Variants in MARCHF4 observed in about 807,000 individuals in gnomAD.
The protein encoded by MARCHF4 is membrane associated ring-CH-type finger 4, also known as E3 ubiquitin-protein ligase MARCHF4.
A neutral mutation model predicts 43.9 loss-of-function variants in MARCHF4; 14 were observed. That is an observed-to-expected ratio of 0.32 (90% CI 0.21 to 0.50). The LOEUF is 0.50. MARCHF4 is among the 20% of genes least tolerant of loss of function. The probability of loss-of-function intolerance (pLI) is 0.98; values close to 1 mark genes in which losing one functional copy is unlikely to be tolerated. For synonymous variants in MARCHF4, 226 were observed against 213.3 expected, an observed-to-expected ratio of 1.06 and a Z score of -0.52; for missense variants, 468 against 536.7, an observed-to-expected ratio of 0.87 and a Z score of 1.27.
At chr2:216,328,200 T>C (rs554092390) in intron 1 of MARCHF4, among the ~76,000 whole-genome samples, 107 of 152,318 alleles carry the variant, frequency 7.0e-4, no homozygotes, top group African/African-American at 2.3e-3. Flanking sequence ...AGACGGAGTC[T>C]CGCTCTGACG....
intron 1 of MARCHF4, among the ~76,000 whole-genome samples, chr2:216,290,471 G>C (rs1691291646): frequency 1.3e-5 from 2 of 152,172 alleles, no homozygotes; most frequent in African/African-American, 2.4e-5. Flanking sequence ...AGAGTCAGGG[G>C]ACAGATCAGG....
chr2:216,344,433 G>C (rs1464419745), intron 1 of MARCHF4, among the ~76,000 whole-genome samples: 1 of 152,090 alleles, frequency 6.6e-6, no homozygotes, highest in Non-Finnish European at 1.5e-5. Flanking sequence ...CCAAAGTTTG[G>C]CTAAGACTTC....
Position 216,370,337 on chromosome 2 carries a change from CCA to C in MARCHF4, c.-79_-78del. The C allele has an allele frequency of 1.4e-6, 2 of 1,405,804 alleles. No homozygotes were observed. The highest frequency in any genetic ancestry group is 1.9e-6 in the Non-Finnish European group (2 of 1,061,496). The allele number at this position is 1,405,804 out of a possible 1,614,324, so 87.1% of individuals were successfully genotyped here. A position where few individuals can be genotyped will look rare whatever the true frequency, so the allele number is the denominator to read the frequency against. Reference sequence around the variant, plus strand: ...GGGGGACAGGACAGGTTTTGGGGGTCCACAGTGGATCTGTGTTGTGGGGGGAG... The same window carrying C: ...GGGGGACAGGACAGGTTTTGGGGGTCCAGTGGATCTGTGTTGTGGGGGGAG... On this transcript the variant is annotated 5_prime_UTR_variant, in exon 1 of 4. Coordinates refer to ENST00000273067, the MANE Select transcript of MARCHF4 (RefSeq NM_020814.3).
chr2:216,331,693 G>A (rs969194205), intron 1 of MARCHF4, among the ~76,000 whole-genome samples: 4 of 152,164 alleles, frequency 2.6e-5, no homozygotes, highest in African/African-American at 9.7e-5. Context: ...ACCGATCAAC[G>A]TAGTTCATGC....
At chr2:216,365,183 G>A (rs1046564524) in intron 1 of MARCHF4, among the ~76,000 whole-genome samples, 5 of 152,180 alleles carry the variant, frequency 3.3e-5, no homozygotes, top group African/African-American at 9.7e-5. Flanking sequence ...AGGATCTCCA[G>A]ATTCCCCAAG....
chr2:216,309,979 G>C (rs1691658100), intron 1 of MARCHF4, among the ~76,000 whole-genome samples: 1 of 152,094 alleles, frequency 6.6e-6, no homozygotes, highest in African/African-American at 2.4e-5. Flanking sequence ...AATGGCTTTG[G>C]TGCCTTCTGG....
intron 1 of MARCHF4, 109 bp downstream of exon 1, chr2:216,369,636 G>A: frequency 1.1e-6 from 1 of 878,132 alleles, no homozygotes; most frequent in Non-Finnish European, 1.8e-6. Context: ...TAAACATAGA[G>A]TCCTCATACT....
intron 1 of MARCHF4, among the ~76,000 whole-genome samples, chr2:216,350,933 A>G (rs1692396796): frequency 6.6e-6 from 1 of 152,126 alleles, no homozygotes; most frequent in Non-Finnish European, 1.5e-5. Context: ...GCTTAATTAA[A>G]CCGTAGAAAG....
At chr2:216,295,878 T>A in intron 1 of MARCHF4, among the ~76,000 whole-genome samples, 1 of 152,222 alleles carries the variant, frequency 6.6e-6, no homozygotes, top group South Asian at 2.1e-4. Context: ...CTGGGTGCGG[T>A]GGCTCACGCC....
intron 3 of MARCHF4, among the ~76,000 whole-genome samples, chr2:216,263,640 A>T (rs769075007): frequency 6.6e-6 from 1 of 152,160 alleles, no homozygotes; most frequent in African/African-American, 2.4e-5. Flanking sequence ...AAGGAAGAGA[A>T]GTAGTTGCGA....
intron 1 of MARCHF4, among the ~76,000 whole-genome samples, chr2:216,313,961 G>C (rs1329568720): frequency 2.0e-5 from 3 of 152,156 alleles, no homozygotes; most frequent in Non-Finnish European, 4.4e-5. Flanking sequence ...AGACAGTGGG[G>C]CTGGAGAACA....
At chr2:216,335,701 A>C (rs1692146272) in intron 1 of MARCHF4, among the ~76,000 whole-genome samples, 1 of 151,874 alleles carries the variant, frequency 6.6e-6, no homozygotes. Flanking sequence ...TACTTTAATG[A>C]GCAGTACAAT....
intron 3 of MARCHF4, chr2:216,266,210 C>T (rs1022353592): frequency 6.6e-5 from 10 of 152,134 alleles, no homozygotes; most frequent in African/African-American, 2.2e-4. Flanking sequence ...CACCTTGCGG[C>T]TTTAGGTAAG....
At chr2:216,365,501 C>T (rs1002788341) in intron 1 of MARCHF4, among the ~76,000 whole-genome samples, 3 of 152,130 alleles carry the variant, frequency 2.0e-5, no homozygotes, top group African/African-American at 7.2e-5. Flanking sequence ...GTGTGGAGTG[C>T]CTGGAGGTTG....
intron 1 of MARCHF4, among the ~76,000 whole-genome samples, chr2:216,317,164 C>A (rs1691791343): frequency 6.6e-6 from 1 of 152,328 alleles, no homozygotes; most frequent in South Asian, 2.1e-4. Context: ...TTATAGAGGA[C>A]CTGCTCTCCA....
intron 1 of MARCHF4, among the ~76,000 whole-genome samples, chr2:216,320,372 C>A (rs926451184): frequency 3.3e-5 from 5 of 152,196 alleles, no homozygotes; most frequent in African/African-American, 1.2e-4. Flanking sequence ...CTCTAATAAG[C>A]ATTTCACATT....
At chr2:216,264,168 C>T (rs1302891586) in intron 3 of MARCHF4, among the ~76,000 whole-genome samples, 1 of 152,192 alleles carries the variant, frequency 6.6e-6, no homozygotes, top group African/African-American at 2.4e-5. Context: ...TCATGCCTCG[C>T]TCAACAAGTC....
chr2:216,316,617 AC>A (rs1373345192), intron 1 of MARCHF4, among the ~76,000 whole-genome samples: 6 of 151,780 alleles, frequency 4.0e-5, no homozygotes, highest in Non-Finnish European at 5.9e-5. Context: ...AAATAGATAC[AC>A]CCCCAAATCC....
chr2:216,348,334 T>C (rs1042663060), intron 1 of MARCHF4, among the ~76,000 whole-genome samples: 5 of 152,128 alleles, frequency 3.3e-5, no homozygotes, highest in African/African-American at 1.2e-4. Context: ...CCACCGTGCC[T>C]GGCCGGTTAA....
Sources: gnomAD v4.1 joint callset for allele counts (sites outside exome capture counted in the v4.1 genomes callset) on GRCh38, gnomAD v4.1.1 for gene constraint, MANE v1.5 for transcripts, NCBI Gene and HGNC (gene_info 2026-07-23, HGNC 2026-07-21) for gene names.